Variants in COBLL1 observed in about 807,000 individuals in gnomAD.
COBLL1 encodes the protein cordon-bleu protein-like 1.
Under a neutral mutation model 94.8 loss-of-function variants are expected in COBLL1, and 50 were observed. The ratio of observed to expected loss-of-function variants is 0.53; its 90% CI spans 0.42 to 0.67. The LOEUF is 0.67. Among genes scored for constraint, COBLL1 ranks in the 30% least tolerant of loss-of-function variants. COBLL1 has a pLI of 0.00. For missense variants in COBLL1, 1,362 were observed against 1,348.7 expected (o/e 1.01, Z -0.15); for synonymous variants, 448 against 473.8 (o/e 0.95, Z 0.71).
Position 164,808,085 on chromosome 2 carries a change from G to T in COBLL1, c.41+33071C>A, listed in dbSNP as rs539257487. Among the ~76,000 whole-genome samples the T allele has an allele frequency of 4.6e-5, 7 of 152,260 alleles. No individual in the cohort carries two copies. In the South Asian group the frequency reaches 1.2e-3, roughly 27 times the overall value. ...TCTGCCCACCTCAGCCTCCCAAAGT[G>T]CTGGGATTACAGCCATGATCCACCG... is the stretch of plus-strand genomic sequence containing the variant. On this transcript the variant is annotated intron_variant, in intron 2 of 13. Transcript: ENST00000652658.
intron 2 of COBLL1, among the ~76,000 whole-genome samples, chr2:164,792,380 CG>C (rs1683235734): frequency 6.6e-6 from 1 of 152,092 alleles, no homozygotes; most frequent in Admixed American, 6.6e-5. Flanking sequence ...CCACCTGCCT[CG>C]GCCTTCCAAA....
At chr2:164,825,787 G>A (rs993869398) in intron 2 of COBLL1, among the ~76,000 whole-genome samples, 1 of 152,150 alleles carries the variant, frequency 6.6e-6, no homozygotes, top group African/African-American at 2.4e-5. Context: ...CCTGTACTAA[G>A]TGATGTGGTT....
intron 2 of COBLL1, among the ~76,000 whole-genome samples, chr2:164,806,519 T>C (rs994340483): frequency 2.6e-5 from 4 of 152,192 alleles, no homozygotes; most frequent in African/African-American, 7.2e-5. Context: ...TCAAGCTTCC[T>C]GGCTTCTTTT....
At position 164,722,148 on chromosome 2, in the gene COBLL1, T is replaced by TG; in HGVS notation, c.922dup (p.Gln308ProfsTer22). 6.2e-7 allele frequency: 1 copy of TG among 1,614,052 alleles called. No individual in the cohort carries two copies. The highest frequency in any genetic ancestry group is 8.5e-7 in the Non-Finnish European group (1 of 1,179,966). ...CCTCTCCTGGATGTGTGCAAGGTCTTGGGGGACACTCTGAGATGCTGGCAT... is the reference window on the plus strand; with the variant it reads ...CCTCTCCTGGATGTGTGCAAGGTCTTGGGGGGACACTCTGAGATGCTGGCAT... On this transcript the variant is annotated frameshift_variant, in exon 7 of 14. Coordinates refer to ENST00000652658, the MANE Select transcript of COBLL1 (RefSeq NM_001365672.2). LOFTEE classifies it high-confidence loss of function.
intron 2 of COBLL1, among the ~76,000 whole-genome samples, chr2:164,821,569 T>C (rs1334669153): frequency 1.6e-4 from 24 of 152,188 alleles, no homozygotes; most frequent in Admixed American, 1.5e-3. Context: ...TAAAACTATC[T>C]TCTTACACAA....
chr2:164,743,837 T>C lies in COBLL1; in HGVS notation c.80A>G (p.Glu27Gly). ...TGAAGAGACATCAGTATATTTGGTC[T>C]CAGCTGGAGGAAGTGGTGCCTTGGC... ...PKAKAPLPPA[E>G]TKYTDVSSAA... The change falls in exon 3 of 14, where the codon GAG becomes GGG. Residue 27 changes from glutamate (E) to glycine (G), a missense_variant. Coordinates refer to ENST00000652658, the MANE Select transcript of COBLL1 (RefSeq NM_001365672.2). The C allele has an allele frequency of 2.5e-6, 4 of 1,591,610 alleles. No individual in the cohort carries two copies. The highest frequency in any genetic ancestry group is 3.4e-6 in the Non-Finnish European group (4 of 1,165,528).
At chr2:164,786,102 G>A (rs1381546413) in intron 2 of COBLL1, among the ~76,000 whole-genome samples, 1 of 152,122 alleles carries the variant, frequency 6.6e-6, no homozygotes, top group African/African-American at 2.4e-5. Context: ...AGTTAACAAA[G>A]TTGAATTTGC....
intron 2 of COBLL1, among the ~76,000 whole-genome samples, chr2:164,760,861 T>C (rs904269428): frequency 2.0e-5 from 3 of 152,190 alleles, no homozygotes; most frequent in Non-Finnish European, 4.4e-5. Context: ...CTATTTAAAG[T>C]AAACCTGTAT....
At chr2:164,729,485 C>T (rs1685875670) in intron 4 of COBLL1, among the ~76,000 whole-genome samples, 1 of 151,110 alleles carries the variant, frequency 6.6e-6, no homozygotes, top group Admixed American at 6.6e-5. Context: ...TAAATTCAAA[C>T]ACAATGAAGA....
chr2:164,687,528 G>T, intron 13 of COBLL1: 1 of 1,345,776 alleles, frequency 7.4e-7, no homozygotes, highest in Non-Finnish European at 1.1e-6. Flanking sequence ...TGGTAACTTG[G>T]CCAATGTGAC....
chr2:164,692,281 C>A lies in COBLL1; in HGVS notation c.3240G>T (p.Gln1080His). ...SLTFQSSDPE[Q>H]MRQSLLTAIR... ...TTGCAGTCAGCAAACTCTGTCGCAT[C>A]TGTTCTGGGTCAGAGCTTTGGAATG... Residue 1080 changes from glutamine (Q) to histidine (H), a missense_variant, in exon 13 of 14, where the codon CAG (glutamine) becomes CAT (histidine). Physicochemically the swap from Gln to His is conservative, Grantham distance 24. Coordinates refer to ENST00000652658, the MANE Select transcript of COBLL1 (RefSeq NM_001365672.2). The A allele has an allele frequency of 6.2e-7, 1 of 1,613,334 alleles. No individual in the cohort carries two copies. Among genetic ancestry groups the A allele is most frequent in the South Asian group, 1.1e-5 (1 of 90,972 alleles).
intron 2 of COBLL1, among the ~76,000 whole-genome samples, chr2:164,796,705 CAAAAAAAAAAAA>C (rs34412964): frequency 8.1e-5 from 7 of 86,728 alleles, no homozygotes; most frequent in South Asian, 5.6e-4. Context: ...GCTGGCCTTC[CAAAAAAAAAAAA>C]AAAAAAAAAG....
At chr2:164,735,258 C>T (rs777772597) in intron 3 of COBLL1, among the ~76,000 whole-genome samples, 53 of 152,104 alleles carry the variant, frequency 3.5e-4, no homozygotes, top group Non-Finnish European at 4.0e-4. Flanking sequence ...ATACAACTGA[C>T]ACATGAGAAA....
At chr2:164,816,225 T>C (rs1684737045) in intron 2 of COBLL1, among the ~76,000 whole-genome samples, 1 of 151,974 alleles carries the variant, frequency 6.6e-6, no homozygotes, top group African/African-American at 2.4e-5. Context: ...GGGAAGTGAA[T>C]TGAACCAGTA....
chr2:164,659,020 A>C (rs1288592058), intron 2 of COBLL1, among the ~76,000 whole-genome samples: 2 of 152,128 alleles, frequency 1.3e-5, no homozygotes, highest in African/African-American at 2.4e-5. Context: ...ACAGCCAATA[A>C]TAATCTCCTA....
At chr2:164,762,558 T>C (rs1408114753) in intron 2 of COBLL1, among the ~76,000 whole-genome samples, 1 of 152,220 alleles carries the variant, frequency 6.6e-6, no homozygotes, top group East Asian at 1.9e-4. Context: ...ATATATCAAA[T>C]GTATAGTGTA....
intron 2 of COBLL1, among the ~76,000 whole-genome samples, chr2:164,803,496 C>T (rs956293730): frequency 3.5e-4 from 53 of 150,724 alleles, no homozygotes; most frequent in African/African-American, 1.2e-3. Flanking sequence ...ACCCGGGAGG[C>T]GGAGCTTGCA....
chr2:164,784,052 G>A (rs1268094597), intron 2 of COBLL1, among the ~76,000 whole-genome samples: 3 of 152,138 alleles, frequency 2.0e-5, no homozygotes, highest in Non-Finnish European at 2.9e-5. Context: ...CCAGGAGAAG[G>A]AGGTGGCAAG....
At chr2:164,790,970 A>G (rs1015867854) in intron 2 of COBLL1, among the ~76,000 whole-genome samples, 2 of 152,218 alleles carry the variant, frequency 1.3e-5, no homozygotes, top group Non-Finnish European at 2.9e-5. Flanking sequence ...TGTGCTCTCC[A>G]AAAGATAACT....
Sources: allele counts gnomAD v4.1 joint callset (sites outside exome capture counted in the v4.1 genomes callset), GRCh38; gene constraint gnomAD v4.1.1; transcripts MANE v1.5; gene names NCBI Gene and HGNC (gene_info 2026-07-23, HGNC 2026-07-21).